LIMCH1: variants seen among roughly 807,000 people sequenced by gnomAD.
LIMCH1 encodes LIM and calponin homology domains-containing protein 1.
In LIMCH1, 113 loss-of-function variants were observed where a neutral mutation model predicts 176.5. That is an observed-to-expected ratio of 0.64 (90% CI 0.55 to 0.75). The LOEUF is 0.75. LIMCH1 is among the 30% of genes least tolerant of loss of function. The pLI is 0.00. For missense variants in LIMCH1, 1,674 were observed against 1,814.9 expected, an observed-to-expected ratio of 0.92 and a Z score of 1.41; for synonymous variants, 619 against 645.9, an observed-to-expected ratio of 0.96 and a Z score of 0.63.
intron 1 of LIMCH1, among the ~76,000 whole-genome samples, chr4:41,479,466 C>G (rs2068238506): frequency 6.6e-6 from 1 of 152,130 alleles, no homozygotes; most frequent in Non-Finnish European, 1.5e-5. Flanking sequence ...GTTGCCCAGG[C>G]TCGTCGAATT....
At chr4:41,445,330 G>A (rs2063174996) in intron 1 of LIMCH1, among the ~76,000 whole-genome samples, 1 of 152,156 alleles carries the variant, frequency 6.6e-6, no homozygotes, top group Admixed American at 6.5e-5. Flanking sequence ...CGTGTAGGAA[G>A]CCTATTTATA....
At chr4:41,412,363 T>G (rs1291830340) in intron 1 of LIMCH1, among the ~76,000 whole-genome samples, 1 of 152,220 alleles carries the variant, frequency 6.6e-6, no homozygotes, top group African/African-American at 2.4e-5. Context: ...TTCTAGGTGC[T>G]GAATTGCATA....
At chr4:41,372,775 T>G in intron 1 of LIMCH1, among the ~76,000 whole-genome samples, 1 of 152,212 alleles carries the variant, frequency 6.6e-6, no homozygotes. Flanking sequence ...AAAGCAGCAC[T>G]GTTTTCATCC....
At chr4:41,527,425 G>A (rs1381908832) in intron 3 of LIMCH1, among the ~76,000 whole-genome samples, 2 of 152,302 alleles carry the variant, frequency 1.3e-5, no homozygotes, top group Non-Finnish European at 1.5e-5. Context: ...TCCTGGTGAT[G>A]CACTAAGAAA....
At chr4:41,625,326 C>G (rs1194616935) in intron 7 of LIMCH1, among the ~76,000 whole-genome samples, 2 of 151,964 alleles carry the variant, frequency 1.3e-5, no homozygotes. Flanking sequence ...AAAGACTGTC[C>G]TTAAGGTCCT....
At chr4:41,693,987 A>C (rs1051101989) in intron 31 of LIMCH1, among the ~76,000 whole-genome samples, 11 of 152,102 alleles carry the variant, frequency 7.2e-5, no homozygotes, top group East Asian at 3.9e-4. Context: ...ATTCTTTGTC[A>C]TTTCTTTTGG....
In LIMCH1 at chr4:41,633,811, C is replaced by A. The variant is rs2093446375; in HGVS notation, c.2090+3C>A. 1.3e-6 allele frequency: 2 copies of A among 1,535,098 alleles called. No homozygotes were observed. Among genetic ancestry groups the A allele is most frequent in the Non-Finnish European group, 1.7e-6 (2 of 1,146,176 alleles). On this transcript the variant is annotated splice_donor_region_variant and intron_variant, in intron 13 of 31. Transcript: ENST00000503057. The stretch of plus-strand genomic sequence containing the variant: ...GGTCTACCCATGAAAGATCAGAGGT[C>A]AGAAAGTTATTCTGTGCCCTTGTGA...
chr4:41,543,105 G>A (rs1271433559), intron 1 of LIMCH1, among the ~76,000 whole-genome samples: 1 of 152,160 alleles, frequency 6.6e-6, no homozygotes, highest in Non-Finnish European at 1.5e-5. Flanking sequence ...GGTAACGCAT[G>A]GAACTATGTC....
intron 1 of LIMCH1, among the ~76,000 whole-genome samples, chr4:41,579,771 G>T (rs1204663570): frequency 6.6e-6 from 1 of 152,192 alleles, no homozygotes; most frequent in Non-Finnish European, 1.5e-5. Flanking sequence ...CATGATAGGG[G>T]ATGATTGCCT....
intron 1 of LIMCH1, among the ~76,000 whole-genome samples, chr4:41,390,269 A>AGAGAGAGAGCGAGAGC (rs760332127): frequency 3.3e-5 from 5 of 150,424 alleles, no homozygotes; most frequent in East Asian, 3.9e-4. Context: ...AGAGAGAGAG[A>AGAGAGAGAGCGAGAGC]GAGAGCGAGA....
At chr4:41,411,590 A>T (rs886963203) in intron 1 of LIMCH1, among the ~76,000 whole-genome samples, 1 of 151,832 alleles carries the variant, frequency 6.6e-6, no homozygotes, top group East Asian at 1.9e-4. Flanking sequence ...AATGGCTGGG[A>T]TTCATTGCCG....
intron 2 of LIMCH1, among the ~76,000 whole-genome samples, chr4:41,520,811 A>G (rs907989987): frequency 6.6e-6 from 1 of 152,210 alleles, no homozygotes; most frequent in South Asian, 2.1e-4. Context: ...TTTGTTGTGT[A>G]GGATTATGCT....
chr4:41,557,713 G>A (rs2081467294), intron 1 of LIMCH1, among the ~76,000 whole-genome samples: 1 of 152,058 alleles, frequency 6.6e-6, no homozygotes, highest in Non-Finnish European at 1.5e-5. Flanking sequence ...AACCTCTCCC[G>A]ACACTGCATG....
At chr4:41,539,522 T>C (rs2078356693) in intron 1 of LIMCH1, among the ~76,000 whole-genome samples, 1 of 152,136 alleles carries the variant, frequency 6.6e-6, no homozygotes, top group Admixed American at 6.5e-5. Flanking sequence ...TTGAAGACCT[T>C]CCCAAGGGAA....
intron 2 of LIMCH1, among the ~76,000 whole-genome samples, chr4:41,515,438 T>C (rs1176804728): frequency 2.6e-5 from 4 of 152,238 alleles, no homozygotes; most frequent in African/African-American, 9.6e-5. Flanking sequence ...GGCAGGATTC[T>C]CAGGAGGAGA....
chr4:41,477,150 T>G (rs2067869196), intron 1 of LIMCH1, among the ~76,000 whole-genome samples: 1 of 152,160 alleles, frequency 6.6e-6, no homozygotes, highest in Non-Finnish European at 1.5e-5. Context: ...CTGCTAGCTA[T>G]AGGAAATTGG....
In LIMCH1 at chr4:41,613,552, C is replaced by G. The variant is rs745378877; in HGVS notation, c.96C>G (p.Leu32=). Reference sequence around the variant, plus strand: ...GGGATTCCGAGCGCAGCGACTCCCTCTCTCCTCCTCGCCACGGCAGAGATG... The same window carrying G: ...GGGATTCCGAGCGCAGCGACTCCCTGTCTCCTCCTCGCCACGGCAGAGATG... ...DCWDSERSDS[L]SPPRHGRDDS... The change falls in exon 5 of 32, where the codon CTC becomes CTG. Residue 32 remains leucine, a synonymous_variant. Transcript: ENST00000503057. The G allele has an allele frequency of 6.2e-7, 1 of 1,614,158 alleles. No homozygotes were observed. Among genetic ancestry groups the G allele is most frequent in the South Asian group, 1.1e-5 (1 of 91,074 alleles).
At chr4:41,538,585 G>C (rs1390614944) in intron 1 of LIMCH1, among the ~76,000 whole-genome samples, 1 of 147,398 alleles carries the variant, frequency 6.8e-6, no homozygotes, top group Non-Finnish European at 1.5e-5. Flanking sequence ...CCTAAGGAAA[G>C]CATTGTTTTT....
At chr4:41,515,980 T>G (rs2075539031) in intron 2 of LIMCH1, among the ~76,000 whole-genome samples, 1 of 152,210 alleles carries the variant, frequency 6.6e-6, no homozygotes, top group Non-Finnish European at 1.5e-5. Context: ...CTAATTACAA[T>G]CATTTAAACA....
Sources: allele counts gnomAD v4.1 joint callset (sites outside exome capture counted in the v4.1 genomes callset), GRCh38; gene constraint gnomAD v4.1.1; transcripts MANE v1.5; gene names NCBI Gene and HGNC (gene_info 2026-07-23, HGNC 2026-07-21).